GALNT13: variants seen among roughly 807,000 people sequenced by gnomAD.
The protein encoded by GALNT13 is polypeptide N-acetylgalactosaminyltransferase 13, also known as UDP-GalNAc:polypeptide N-acetylgalactosaminyltransferase 13.
GALNT13 carries 28 observed loss-of-function variants against 64.2 expected under a neutral mutation model. The ratio of observed to expected loss-of-function variants is 0.44; its 90% CI spans 0.32 to 0.60. The LOEUF (loss-of-function observed/expected upper bound fraction) is 0.60. GALNT13 is among the 20% of genes least tolerant of loss of function. The pLI is 0.05. For synonymous variants in GALNT13, 214 were observed against 224.6 expected (o/e 0.95, Z 0.42); for missense variants, 577 against 669.8 (o/e 0.86, Z 1.53).
At chr2:153,572,338 T>C in the GALNT13 span, among the ~76,000 whole-genome samples, 5 of 151,514 alleles carry the variant, frequency 3.3e-5, no homozygotes, top group African/African-American at 7.2e-5. Context: ...TTTGTATTTT[T>C]TCTCTCTTTT....
intron 3 of GALNT13, among the ~76,000 whole-genome samples, chr2:153,951,814 C>T (rs572151425): frequency 6.6e-6 from 1 of 152,024 alleles, no homozygotes; most frequent in Admixed American, 6.6e-5. Context: ...TACATTCTGA[C>T]CTTTTATTAA....
chr2:153,907,717 C>T (rs1046453680), intron 2 of GALNT13, among the ~76,000 whole-genome samples: 2 of 151,984 alleles, frequency 1.3e-5, no homozygotes, highest in Non-Finnish European at 1.5e-5. Flanking sequence ...ATCCATGTTA[C>T]TGCAAAGGAT....
At chr2:154,424,342 A>C (rs1411806490) in intron 11 of GALNT13, among the ~76,000 whole-genome samples, 1 of 152,204 alleles carries the variant, frequency 6.6e-6, no homozygotes, top group Non-Finnish European at 1.5e-5. Flanking sequence ...GAACTTCTTT[A>C]ACCTTTGCAA....
the GALNT13 span, chr2:153,478,188 G>C: frequency 6.7e-7 from 1 of 1,489,334 alleles, no homozygotes; most frequent in Admixed American, 1.8e-5. Flanking sequence ...AGCCGGGCTA[G>C]CAAAGTGGGC....
intron 3 of GALNT13, among the ~76,000 whole-genome samples, chr2:154,118,141 C>G (rs1033613029): frequency 3.3e-5 from 5 of 152,060 alleles, no homozygotes; most frequent in Admixed American, 2.0e-4. Context: ...TAATTGTGAT[C>G]TATCTCTCTT....
rs542927085 is a variant in GALNT13, at chr2:154,376,125, A to G, written c.1157-19866A>G. Among the ~76,000 whole-genome samples the G allele has an allele frequency of 2.7e-3, 418 of 152,314 alleles. 2 individuals are homozygous for G. Among genetic ancestry groups the G allele is most frequent in the African/African-American group, 9.6e-3 (398 of 41,576 alleles). ...GTTAAATACCCAACAAAGACATTCT[A>G]TTTGTTAAGAAAATCCACAATAAGC... On this transcript the variant is annotated intron_variant, in intron 9 of 12. Transcript: ENST00000392825.
intron 9 of GALNT13, among the ~76,000 whole-genome samples, chr2:154,395,501 G>A (rs1699013897): frequency 6.6e-6 from 1 of 152,040 alleles, no homozygotes; most frequent in East Asian, 1.9e-4. Flanking sequence ...ATGGTAACTA[G>A]ATAGAAGTTC....
At chr2:153,267,532 T>C in the GALNT13 span, among the ~76,000 whole-genome samples, 1 of 152,198 alleles carries the variant, frequency 6.6e-6, no homozygotes, top group Admixed American at 6.5e-5. Flanking sequence ...GCCCAAGCTG[T>C]ATCTTGGCCC....
At chr2:154,155,100 A>T (rs1456826058) in intron 4 of GALNT13, among the ~76,000 whole-genome samples, 1 of 152,040 alleles carries the variant, frequency 6.6e-6, no homozygotes, top group Non-Finnish European at 1.5e-5. Context: ...CAGAGGCAAG[A>T]TTTTTTACCA....
In GALNT13 at chr2:154,271,166, G is replaced by A. The variant is rs180893060; in HGVS notation, c.975+12028G>A. 3.9e-4 allele frequency among the ~76,000 whole-genome samples: 60 copies of A among 152,042 alleles called. No individual in the cohort carries two copies. In the South Asian group the frequency reaches 8.5e-3, roughly 22 times the overall value. On this transcript the variant is annotated intron_variant, in intron 8 of 12. Coordinates refer to ENST00000392825, the MANE Select transcript of GALNT13 (RefSeq NM_052917.4). ...GTTCACAGGGTTGCTTGTGAATAAT[G>A]TTATTAGAGAATGGATTTGCTTGGA...
the GALNT13 span, among the ~76,000 whole-genome samples, chr2:153,856,149 T>G: frequency 7.9e-5 from 12 of 152,104 alleles, no homozygotes; most frequent in Admixed American, 7.9e-4. Flanking sequence ...ATAGTTGTGG[T>G]GATGGTTACA....
intron 9 of GALNT13, among the ~76,000 whole-genome samples, chr2:154,389,492 G>T (rs923365158): frequency 1.2e-4 from 18 of 152,318 alleles, no homozygotes; most frequent in African/African-American, 4.3e-4. Flanking sequence ...GCTGCAATAT[G>T]TATTCTTGTG....
At chr2:154,307,214 A>G (rs1392637324) in intron 9 of GALNT13, among the ~76,000 whole-genome samples, 2 of 152,150 alleles carry the variant, frequency 1.3e-5, no homozygotes, top group Non-Finnish European at 2.9e-5. Flanking sequence ...TGATTTCACC[A>G]TAATCATAGG....
At chr2:154,359,899 A>C (rs1696966854) in intron 9 of GALNT13, among the ~76,000 whole-genome samples, 1 of 152,140 alleles carries the variant, frequency 6.6e-6, no homozygotes, top group Non-Finnish European at 1.5e-5. Context: ...AACTTAATGT[A>C]ATAGAATGCT....
At chr2:154,217,434 T>C (rs1276689190) in intron 4 of GALNT13, among the ~76,000 whole-genome samples, 1 of 152,148 alleles carries the variant, frequency 6.6e-6, no homozygotes, top group Non-Finnish European at 1.5e-5. Flanking sequence ...AGAAAGGTTA[T>C]CAACAACATT....
At chr2:153,948,798 A>C (rs186199944) in intron 3 of GALNT13, among the ~76,000 whole-genome samples, 109 of 152,182 alleles carry the variant, frequency 7.2e-4, no homozygotes, top group Middle Eastern at 3.4e-3. Flanking sequence ...AGTGGGAGCT[A>C]AACAGTGAGG....
chr2:153,184,548 T>C, the GALNT13 span, among the ~76,000 whole-genome samples: 1 of 152,198 alleles, frequency 6.6e-6, no homozygotes, highest in Admixed American at 6.5e-5. Flanking sequence ...TGTGCTAGTT[T>C]TCAAGGGGAA....
At chr2:153,403,813 C>A in the GALNT13 span, among the ~76,000 whole-genome samples, 1 of 152,152 alleles carries the variant, frequency 6.6e-6, no homozygotes, top group African/African-American at 2.4e-5. Context: ...CACCCACTGA[C>A]CTGCGCCCAC....
chr2:153,595,649 A>T, the GALNT13 span, among the ~76,000 whole-genome samples: 2 of 152,124 alleles, frequency 1.3e-5, no homozygotes, highest in Non-Finnish European at 2.9e-5. Context: ...ATTATTACAA[A>T]ATGAGCTAGA....
Sources: allele counts gnomAD v4.1 joint callset (sites outside exome capture counted in the v4.1 genomes callset), GRCh38; gene constraint gnomAD v4.1.1; transcripts MANE v1.5; gene names NCBI Gene and HGNC (gene_info 2026-07-23, HGNC 2026-07-21).